Variants in WNT16 observed in about 807,000 individuals in gnomAD.
WNT16 encodes Wnt family member 16, also known as protein Wnt-16.
In WNT16, 20 loss-of-function variants were observed where a neutral mutation model predicts 35.4. The ratio of observed to expected loss-of-function variants is 0.56; its 90% CI spans 0.40 to 0.82. The LOEUF (loss-of-function observed/expected upper bound fraction) is 0.82. Among genes scored for constraint, WNT16 ranks in the 40% least tolerant of loss-of-function variants. WNT16 has a pLI of 0.00. For synonymous variants in WNT16, 180 were observed against 179.2 expected (o/e 1.00, Z -0.03); for missense variants, 461 against 466.0 (o/e 0.99, Z 0.10).
chr7:121,329,448 G>A lies in WNT16; in HGVS notation c.95+61G>A, dbSNP rs918072927. 13 of 1,591,888 alleles carry A rather than the reference G, an allele frequency of 8.2e-6. No homozygotes were observed. In the South Asian group the frequency reaches 1.1e-4, roughly 14 times the overall value. ...TGGCAAAAGGGGTGCCCAATCCTAG[G>A]GAACTTTCAACTGAGGCTGGGGGAG... On this transcript the variant is annotated intron_variant, in intron 1 of 3. Transcript: ENST00000222462.
At chr7:121,328,873 A>T, upstream of WNT16, 1 of 280,810 alleles carries the variant, frequency 3.6e-6, no homozygotes, top group Non-Finnish European at 5.5e-6. Flanking sequence ...GCCGCTCTCC[A>T]CCAATAAGAG....
At position 121,332,429 on chromosome 7, in the gene WNT16, T is replaced by C. The variant is rs187703120; in HGVS notation, c.633+465T>C. On this transcript the variant is annotated intron_variant, in intron 3 of 3. Coordinates refer to ENST00000222462, the MANE Select transcript of WNT16 (RefSeq NM_057168.2). The stretch of plus-strand genomic sequence containing the variant: ...TAAAACTTTGATATAATATAATAGA[T>C]GCACAATGCCTGTAGGGTTCATTGG... Among the ~76,000 whole-genome samples the C allele has an allele frequency of 1.4e-3, 216 of 152,354 alleles. 2 individuals are homozygous for C. Among genetic ancestry groups the C allele is most frequent in the Admixed American group, 2.7e-3 (41 of 15,302 alleles).
intron 3 of WNT16, among the ~76,000 whole-genome samples, chr7:121,332,534 C>A (rs764447361): frequency 2.0e-5 from 3 of 152,020 alleles, no homozygotes; most frequent in Non-Finnish European, 4.4e-5. Context: ...ATTTCATTTC[C>A]CCCAATTTGA....
At chr7:121,326,399 C>T (rs1423752671), upstream of WNT16, among the ~76,000 whole-genome samples, 2 of 152,172 alleles carry the variant, frequency 1.3e-5, no homozygotes, top group Non-Finnish European at 2.9e-5. Context: ...AAGGCTCTAG[C>T]CCATACAAAA....
intron 3 of WNT16, among the ~76,000 whole-genome samples, chr7:121,336,209 A>G (rs1304838577): frequency 2.6e-5 from 4 of 151,968 alleles, no homozygotes; most frequent in Non-Finnish European, 5.9e-5. Context: ...GTCCTAGAAT[A>G]CAGTATATAT....
chr7:121,329,612 C>A lies in WNT16; in HGVS notation c.141C>A (p.Cys47Ter), dbSNP rs1422491093. 2.5e-6 allele frequency: 4 copies of A among 1,614,226 alleles called. No homozygotes were observed. The highest frequency in any genetic ancestry group is 2.2e-5 in the East Asian group (1 of 44,876). The change falls in exon 2 of 4, where the codon TGC (cysteine) becomes TGA (stop). Residue 47 changes from cysteine (C) to a stop codon, truncating the protein, a stop_gained. Transcript: ENST00000222462. LOFTEE classifies it high-confidence loss of function. ...ASFGVPEKLG[C>*]ANLPLNSRQK... is the part of the protein sequence containing the mutation. ...TCGGGGTTCCAGAGAAGCTGGGCTG[C>A]GCCAATTTGCCGCTGAACAGCCGCC...
chr7:121,334,229 T>C (rs543107078), intron 3 of WNT16, among the ~76,000 whole-genome samples: 2 of 152,248 alleles, frequency 1.3e-5, no homozygotes, highest in Admixed American at 1.3e-4. Flanking sequence ...ACATTGTTCA[T>C]TTTTGGTTCA....
intron 2 of WNT16, among the ~76,000 whole-genome samples, chr7:121,331,250 CA>C (rs1793340693): frequency 6.6e-6 from 1 of 152,266 alleles, no homozygotes; most frequent in South Asian, 2.1e-4. Flanking sequence ...TCTGTGAGAG[CA>C]CATTTTAAAT....
rs558993363 is a variant in WNT16 at position 121,329,677 on chromosome 7, G to A, written c.206G>A (p.Ser69Asn). ...LCKRKPYLLP[S>N]IREGARLGIQ... ...AAGAGGAAACCGTACCTGCTGCCGA[G>A]CATCCGAGAGGGCGCCCGGCTGGGC... Residue 69 changes from serine (S) to asparagine (N), a missense_variant, in exon 2 of 4, where the codon AGC becomes AAC. Ser to Asn is a conservative substitution (Grantham distance 46). Coordinates refer to ENST00000222462, the MANE Select transcript of WNT16 (RefSeq NM_057168.2). 2 of 1,614,066 alleles carry A rather than the reference G, an allele frequency of 1.2e-6. No individual in the cohort carries two copies. The highest frequency in any genetic ancestry group is 8.5e-7 in the Non-Finnish European group (1 of 1,180,002).
At chr7:121,335,300 A>G (rs1379838357) in intron 3 of WNT16, among the ~76,000 whole-genome samples, 1 of 152,110 alleles carries the variant, frequency 6.6e-6, no homozygotes, top group African/African-American at 2.4e-5. Context: ...CCACTTCTCA[A>G]GCGGTTTCTA....
At chr7:121,326,014 G>A (rs556074481), upstream of WNT16, among the ~76,000 whole-genome samples, 11 of 128,300 alleles carry the variant, frequency 8.6e-5, 1 homozygote, top group South Asian at 2.4e-3. Flanking sequence ...ACTCCAACCT[G>A]GGCAATAGAA....
At chr7:121,336,255 T>C (rs575727870) in intron 3 of WNT16, among the ~76,000 whole-genome samples, 1 of 151,996 alleles carries the variant, frequency 6.6e-6, no homozygotes, top group African/African-American at 2.4e-5. Context: ...CCCATAGATA[T>C]TCTAAGAATA....
At chr7:121,325,737 G>T (rs2116827045), upstream of WNT16, among the ~76,000 whole-genome samples, 1 of 151,958 alleles carries the variant, frequency 6.6e-6, no homozygotes, top group African/African-American at 2.4e-5. Flanking sequence ...GAAGTATGTT[G>T]TAGTGAAAAA....
At chr7:121,325,690 C>T (rs1279715176), upstream of WNT16, among the ~76,000 whole-genome samples, 2 of 151,784 alleles carry the variant, frequency 1.3e-5, no homozygotes. Flanking sequence ...TCTCTCTATA[C>T]ACACACACTA....
Position 121,339,818 on chromosome 7 carries a change from C to G in WNT16, c.*473C>G, listed in dbSNP as rs982226337. 2 of 206,894 alleles carry G rather than the reference C, an allele frequency of 9.7e-6. No homozygotes were observed. Among genetic ancestry groups the G allele is most frequent in the African/African-American group, 4.6e-5 (2 of 43,466 alleles). 12.8% of individuals were successfully genotyped at this position (206,894 alleles called of 1,614,324 possible). ...CTCATTTATTCTCTCAGTATTTTAACTGAAGAAATTATACTGTTTGTGTGT... is the reference window on the plus strand; with the variant it reads ...CTCATTTATTCTCTCAGTATTTTAAGTGAAGAAATTATACTGTTTGTGTGT... On this transcript the variant is annotated 3_prime_UTR_variant, in exon 4 of 4. Transcript: ENST00000222462.
chr7:121,331,482 A>C (rs921359998), intron 2 of WNT16, among the ~76,000 whole-genome samples, 196 bp from the exon 3 acceptor site: 2 of 151,560 alleles, frequency 1.3e-5, no homozygotes, highest in African/African-American at 4.8e-5. Flanking sequence ...TTCAAGTGGA[A>C]TACTGAAAAT....
At chr7:121,327,433 C>T (rs1485419870), upstream of WNT16, among the ~76,000 whole-genome samples, 1 of 150,880 alleles carries the variant, frequency 6.6e-6, no homozygotes, top group Non-Finnish European at 1.5e-5. Context: ...TCACTGCAAC[C>T]TCCACCTCCT....
At chr7:121,336,199 G>A (rs2116841483) in intron 3 of WNT16, among the ~76,000 whole-genome samples, 1 of 151,614 alleles carries the variant, frequency 6.6e-6, no homozygotes, top group Admixed American at 6.6e-5. Flanking sequence ...TTATCTTTCT[G>A]TCCTAGAATA....
chr7:121,335,527 A>G (rs755219129), intron 3 of WNT16, among the ~76,000 whole-genome samples: 1 of 151,274 alleles, frequency 6.6e-6, no homozygotes, highest in Non-Finnish European at 1.5e-5. Context: ...CAACTCAACT[A>G]GAGTAGAGAA....
Sources: gnomAD v4.1 joint callset for allele counts (sites outside exome capture counted in the v4.1 genomes callset) on GRCh38, gnomAD v4.1.1 for gene constraint, MANE v1.5 for transcripts, NCBI Gene and HGNC (gene_info 2026-07-23, HGNC 2026-07-21) for gene names.